The following BAD variants were observed in gnomAD, a reference collection of about 807,000 sequenced individuals.
BAD encodes BCL2 associated agonist of cell death.
BAD carries 18 observed loss-of-function variants against 17.8 expected under a neutral mutation model. The ratio of observed to expected loss-of-function variants is 1.01; its 90% CI spans 0.70 to 1.50. The LOEUF is 1.50. Among genes scored for constraint, BAD ranks in the 40% most tolerant of loss-of-function variants. The pLI is 0.00. For missense variants in BAD, 294 were observed against 239.3 expected, an observed-to-expected ratio of 1.23 and a Z score of -1.51; for synonymous variants, 112 against 91.5, an observed-to-expected ratio of 1.22 and a Z score of -1.28.
At chr11:64,284,148 G>A in intron 2 of BAD, 34 bp downstream of exon 2, 3 of 1,536,546 alleles carry the variant, frequency 2.0e-6, no homozygotes, top group Non-Finnish European at 2.6e-6. Context: ...TGGGGGTGAG[G>A]TGTCCCGGCA....
Position 64,284,348 on chromosome 11 carries a change from A to C in BAD, c.21T>G (p.Phe7Leu), listed in dbSNP as rs2033699559. 1 of 1,612,888 alleles carries C rather than the reference A, an allele frequency of 6.2e-7. No homozygotes were observed. The highest frequency in any genetic ancestry group is 1.3e-5 in the African/African-American group (1 of 74,948). MFQIPE[F>L]EPSEQEDSSS... The stretch of plus-strand genomic sequence containing the variant: ...TGGAGTCTTCCTGCTCACTCGGCTC[A>C]AACTCTGGGATCTGGAACATGCTCT... Residue 7 changes from phenylalanine to leucine, a missense_variant, in exon 2 of 4, where the codon TTT (phenylalanine) becomes TTG (leucine). Transcript: ENST00000309032.
At chr11:64,278,239 A>G (rs1298642228) in intron 2 of BAD, among the ~76,000 whole-genome samples, 1 of 152,050 alleles carries the variant, frequency 6.6e-6, no homozygotes, top group East Asian at 1.9e-4. Flanking sequence ...GGCTTTATAA[A>G]TATATAAAGC....
In BAD at chr11:64,284,288, T is replaced by G. The variant is rs2033691125; in HGVS notation, c.81A>C (p.Ala27=). 6.2e-7 allele frequency: 1 copy of G among 1,611,982 alleles called. No homozygotes were observed. The highest frequency in any genetic ancestry group is 8.5e-7 in the Non-Finnish European group (1 of 1,179,938). ...TGCCGGAGCCTGAGGGCCCGTCCCC[T>G]GCGGGGCTGGGGCCCAGGCCCCTCT... ...SAERGLGPSP[A]GDGPSGSGKH... is the part of the protein sequence containing the mutation. The change falls in exon 2 of 4, where the codon GCA becomes GCC. Residue 27 remains alanine, a synonymous_variant. Transcript: ENST00000309032.
rs1333554836 is a variant in BAD at position 64,281,257 on chromosome 11, C to T, written c.187+2925G>A. The stretch of plus-strand genomic sequence containing the variant: ...CTGGGATTATAGGCGTGAGCCACCG[C>T]GCCCAGCCTAATAGTTTTTTTAAAA... On this transcript the variant is annotated intron_variant, in intron 2 of 3. Coordinates refer to ENST00000309032, the MANE Select transcript of BAD (RefSeq NM_032989.3). Among the ~76,000 whole-genome samples, 3 of 152,300 alleles carry T rather than the reference C, an allele frequency of 2.0e-5. 1 individual carries two copies. The highest frequency in any genetic ancestry group is 4.1e-4 in the South Asian group (2 of 4,830).
intron 2 of BAD, among the ~76,000 whole-genome samples, chr11:64,279,788 C>T (rs917709686): frequency 2.6e-5 from 4 of 151,652 alleles, no homozygotes; most frequent in African/African-American, 9.7e-5. Context: ...AAAAAAATCC[C>T]CCTCTATCCC....
chr11:64,279,925 T>C (rs1388945070), intron 2 of BAD, among the ~76,000 whole-genome samples: 4 of 152,116 alleles, frequency 2.6e-5, no homozygotes, highest in Non-Finnish European at 5.9e-5. Flanking sequence ...GGCTCATGCC[T>C]GTAATCCCAG....
chr11:64,271,778 ACT>A lies in BAD; in HGVS notation c.211_212del (p.Arg72ProfsTer47). ...TCCCCGCGGGGTAGGAGCTGTGGCG[ACT>A]CCGGATCTCCACAGCCCCAGCGCCT... Reference protein sequence around the residue: ...HGGAGAVEIRSRHSSYPAGTE... With the variant: ...HGGAGAVEIRXRHSSYPAGTE... On this transcript the variant is annotated frameshift_variant, in exon 3 of 4. Transcript: ENST00000309032. LOFTEE classifies it high-confidence loss of function. 1 of 1,325,008 alleles carries A rather than the reference ACT, an allele frequency of 7.5e-7. No homozygotes were observed. Among genetic ancestry groups the A allele is most frequent in the Non-Finnish European group, 9.7e-7 (1 of 1,035,686 alleles). The allele number at this position is 1,325,008 out of a possible 1,614,324, so 82.1% of individuals were successfully genotyped here.
At chr11:64,274,565 G>A (rs992865653) in intron 2 of BAD, among the ~76,000 whole-genome samples, 2 of 151,540 alleles carry the variant, frequency 1.3e-5, no homozygotes, top group African/African-American at 4.9e-5. Flanking sequence ...GCTCACGCCT[G>A]TAATCCCAGC....
At chr11:64,284,666 G>T, upstream of BAD, 2 of 1,534,880 alleles carry the variant, frequency 1.3e-6, no homozygotes. Context: ...ACCCGGGCCT[G>T]CCGCCTCCCT....
At position 64,269,846 on chromosome 11, in the gene BAD, G is replaced by A; in HGVS notation, c.*363C>T. On this transcript the variant is annotated 3_prime_UTR_variant, in exon 4 of 4. Transcript: ENST00000309032. ...AAAAGCCTCGGCGGCACAGACGCGG[G>A]CTTTATTAACATTTGGTAGTGAGCA... 2.9e-6 allele frequency: 2 copies of A among 695,672 alleles called. No homozygotes were observed. The highest frequency in any genetic ancestry group is 2.0e-5 in the Admixed American group (1 of 49,534). The allele number at this position is 695,672 out of a possible 1,614,324, so 43.1% of individuals were successfully genotyped here.
chr11:64,274,617 T>G (rs1044165716), intron 2 of BAD, among the ~76,000 whole-genome samples: 1 of 151,784 alleles, frequency 6.6e-6, no homozygotes, highest in Admixed American at 6.6e-5. Flanking sequence ...GGTCAGGAGT[T>G]CGAGACCAGC....
intron 2 of BAD, among the ~76,000 whole-genome samples, chr11:64,277,289 C>T (rs1397320806): frequency 2.0e-5 from 3 of 152,214 alleles, no homozygotes; most frequent in East Asian, 3.9e-4. Flanking sequence ...GGCAGACACT[C>T]GCAGCCTGTC....
intron 2 of BAD, 113 bp from the exon 3 acceptor site, chr11:64,271,916 G>A: frequency 1.2e-6 from 1 of 861,794 alleles, no homozygotes; most frequent in Non-Finnish European, 1.6e-6. Flanking sequence ...GTCTTCCAGG[G>A]GCGCATCACA....
rs531615479 is a variant in BAD at position 64,273,978 on chromosome 11, C to T, written c.188-2175G>A. On this transcript the variant is annotated intron_variant, in intron 2 of 3. Transcript: ENST00000309032. ...TAAATTACAGGCCAGGAACTGAAGG[C>T]GGGGGATAACCATTGGAATGTCTCT... Among the ~76,000 whole-genome samples the T allele has an allele frequency of 4.6e-5, 7 of 150,932 alleles. No homozygotes were observed. In the East Asian group the frequency reaches 1.2e-3, roughly 25 times the overall value.
intron 2 of BAD, among the ~76,000 whole-genome samples, chr11:64,283,957 GT>G (rs1293018457): frequency 6.6e-6 from 1 of 152,202 alleles, no homozygotes; most frequent in African/African-American, 2.4e-5. Flanking sequence ...TAGCTTTAAT[GT>G]GCACCAGCTC....
At chr11:64,277,165 G>A in intron 2 of BAD, 2 of 596,952 alleles carry the variant, frequency 3.4e-6, no homozygotes, top group South Asian at 1.9e-5. Context: ...CTGCCATCAG[G>A]CAAGGGCTGG....
At chr11:64,283,827 G>T (rs2135150076) in intron 2 of BAD, among the ~76,000 whole-genome samples, 1 of 152,260 alleles carries the variant, frequency 6.6e-6, no homozygotes, top group Non-Finnish European at 1.5e-5. Context: ...AAGAGCTGGA[G>T]TCTCCCTAAG....
At chr11:64,277,211 A>G (rs1239152850) in intron 2 of BAD, among the ~76,000 whole-genome samples, 1 of 152,150 alleles carries the variant, frequency 6.6e-6, no homozygotes, top group Non-Finnish European at 1.5e-5. Flanking sequence ...CCGACCACAC[A>G]CAATCTGCTG....
intron 2 of BAD, chr11:64,275,759 G>A (rs145461778): frequency 1.2e-3 from 179 of 152,146 alleles, no homozygotes; most frequent in African/African-American, 4.2e-3. Context: ...ACAGGTGGAA[G>A]GTGAGTGACT....
Sources: gnomAD v4.1 joint callset for allele counts (sites outside exome capture counted in the v4.1 genomes callset) on GRCh38, gnomAD v4.1.1 for gene constraint, MANE v1.5 for transcripts, NCBI Gene and HGNC (gene_info 2026-07-23, HGNC 2026-07-21) for gene names.